Variants in SCAPER observed in about 807,000 individuals in gnomAD.
SCAPER encodes S phase cyclin A-associated protein in the endoplasmic reticulum.
SCAPER carries 98 observed loss-of-function variants against 182.2 expected under a neutral mutation model. That is an observed-to-expected ratio of 0.54 (90% CI 0.46 to 0.64). The LOEUF is 0.64. SCAPER is among the 30% of genes least tolerant of loss of function. The pLI, the probability that SCAPER is intolerant of heterozygous loss-of-function variation, is 0.00. For synonymous variants in SCAPER, 605 were observed against 564.6 expected, an observed-to-expected ratio of 1.07 and a Z score of -1.01; for missense variants, 1,432 against 1,690.0, an observed-to-expected ratio of 0.85 and a Z score of 2.68.
intron 25 of SCAPER, among the ~76,000 whole-genome samples, chr15:76,455,247 T>A (rs1274310435): frequency 1.3e-5 from 2 of 152,232 alleles, no homozygotes; most frequent in African/African-American, 4.8e-5. Context: ...ATAAAAATTG[T>A]ATATACTTCA....
At chr15:76,621,858 T>C (rs368494310) in intron 21 of SCAPER, 29 bp from the exon 22 acceptor site, 115 of 1,492,834 alleles carry the variant, frequency 7.7e-5, no homozygotes, top group Non-Finnish European at 1.0e-4. Context: ...TTAACACAGT[T>C]ATTTCACTGC....
intron 15 of SCAPER, among the ~76,000 whole-genome samples, chr15:76,746,310 G>T (rs1053084064): frequency 6.6e-6 from 1 of 152,204 alleles, no homozygotes; most frequent in Non-Finnish European, 1.5e-5. Flanking sequence ...TTGATCCTCT[G>T]CATTCACGGA....
chr15:76,668,229 A>G (rs2056770097), intron 20 of SCAPER, among the ~76,000 whole-genome samples: 2 of 152,152 alleles, frequency 1.3e-5, no homozygotes, highest in African/African-American at 4.8e-5. Context: ...CACCTGCTCT[A>G]AGTCATTTAT....
intron 27 of SCAPER, among the ~76,000 whole-genome samples, chr15:76,398,465 G>T (rs1227780096): frequency 1.3e-5 from 2 of 152,164 alleles, no homozygotes; most frequent in Non-Finnish European, 2.9e-5. Context: ...ACAGGGCCTG[G>T]CACAGAGCAA....
At chr15:76,829,599 T>C (rs1483827962) in intron 5 of SCAPER, among the ~76,000 whole-genome samples, 5 of 152,122 alleles carry the variant, frequency 3.3e-5, no homozygotes, top group Non-Finnish European at 7.3e-5. Flanking sequence ...TTTTACTCTA[T>C]TGAAATCCCA....
intron 24 of SCAPER, among the ~76,000 whole-genome samples, chr15:76,478,219 T>C (rs1031494036): frequency 2.3e-4 from 26 of 115,178 alleles, no homozygotes; most frequent in Admixed American, 2.2e-3. Flanking sequence ...TTTTTGTTAA[T>C]TGTTCTAGTT....
At chr15:76,761,386 T>C (rs762514174) in intron 14 of SCAPER, among the ~76,000 whole-genome samples, 15 of 152,130 alleles carry the variant, frequency 9.9e-5, no homozygotes, top group Admixed American at 2.0e-4. Context: ...TTAGTTTTGT[T>C]TCTTCTTTTT....
In SCAPER at chr15:76,800,873, G is replaced by C. The variant is rs73445344; in HGVS notation, c.495-509C>G. Among the ~76,000 whole-genome samples the C allele has an allele frequency of 6.7e-3, 1,016 of 152,224 alleles. 13 individuals are homozygous for C. Among genetic ancestry groups the C allele is most frequent in the African/African-American group, 0.023 (970 of 41,528 alleles). On this transcript the variant is annotated intron_variant, in intron 6 of 31. Transcript: ENST00000563290. ...CGAGAGTAGGATTTCACTGCTCTTTGCTGGGAAAGCTAAGAAACATAACTT... is the reference window on the plus strand; with the variant it reads ...CGAGAGTAGGATTTCACTGCTCTTTCCTGGGAAAGCTAAGAAACATAACTT...
At chr15:76,556,323 GA>G (rs1449919162) in intron 23 of SCAPER, among the ~76,000 whole-genome samples, 2 of 151,962 alleles carry the variant, frequency 1.3e-5, no homozygotes, top group Non-Finnish European at 2.9e-5. Flanking sequence ...GAATGAACTA[GA>G]AAAACAAGAG....
chr15:76,788,573 A>G (rs1040935486), intron 8 of SCAPER, among the ~76,000 whole-genome samples: 1 of 152,116 alleles, frequency 6.6e-6, no homozygotes, highest in Non-Finnish European at 1.5e-5. Flanking sequence ...ATATTAATTC[A>G]TTACCCTGTT....
chr15:76,488,943 G>A lies in SCAPER; in HGVS notation c.2954+15916C>T, dbSNP rs572934528. On this transcript the variant is annotated intron_variant, in intron 24 of 31. Coordinates refer to ENST00000563290, the MANE Select transcript of SCAPER (RefSeq NM_020843.4). ...TTGCCATATTGGCCAGGCTGGTCTC[G>A]AACTCCTGACCTCAGGTGATCCACC... is the stretch of plus-strand genomic sequence containing the variant. 2.2e-4 allele frequency among the ~76,000 whole-genome samples: 33 copies of A among 150,604 alleles called. 1 individual carries two copies. Among genetic ancestry groups the A allele is most frequent in the African/African-American group, 6.1e-4 (25 of 41,024 alleles).
chr15:76,520,598 C>A (rs2042760330), intron 23 of SCAPER, among the ~76,000 whole-genome samples: 1 of 151,976 alleles, frequency 6.6e-6, no homozygotes, highest in South Asian at 2.1e-4. Flanking sequence ...CTCATACACA[C>A]CCCCCACCCC....
At chr15:76,745,442 C>G (rs2061744996) in intron 15 of SCAPER, among the ~76,000 whole-genome samples, 1 of 152,072 alleles carries the variant, frequency 6.6e-6, no homozygotes, top group East Asian at 1.9e-4. Flanking sequence ...GAGTGAGACT[C>G]CATCTCAAAA....
At position 76,765,558 on chromosome 15, in the gene SCAPER, A is replaced by C. The variant is rs751499004; in HGVS notation, c.1495+5T>G. On this transcript the variant is annotated splice_donor_5th_base_variant and intron_variant, in intron 12 of 31. Transcript: ENST00000563290. ...CTACACACCCAATATGCATATACAC[A>C]ATACCTTCATAATCTGCAAGGACAT... 3.1e-6 allele frequency: 5 copies of C among 1,599,940 alleles called. 1 individual carries two copies. In the South Asian group the frequency reaches 5.6e-5, roughly 18 times the overall value.
chr15:76,489,414 C>T (rs374505681), intron 24 of SCAPER, among the ~76,000 whole-genome samples: 2 of 151,676 alleles, frequency 1.3e-5, no homozygotes, highest in East Asian at 2.0e-4. Flanking sequence ...GATCTACCAC[C>T]TCCCTAAATT....
rs1481904955 is a variant in SCAPER at position 76,604,170 on chromosome 15, A to G, written c.2711+17594T>C. 3.9e-4 allele frequency among the ~76,000 whole-genome samples: 47 copies of G among 120,986 alleles called. 8 individuals carry two copies. Among genetic ancestry groups the G allele is most frequent in the African/African-American group, 9.8e-4 (39 of 39,680 alleles). 79.4% of individuals were successfully genotyped at this position (120,986 alleles called of 152,430 possible). Reference sequence around the variant, plus strand: ...TTTATGGTTTTAGGTCTAACCTTTAAGTCTTTAATCCATCTTGAATTAATT... The same window carrying G: ...TTTATGGTTTTAGGTCTAACCTTTAGGTCTTTAATCCATCTTGAATTAATT... On this transcript the variant is annotated intron_variant, in intron 22 of 31. Coordinates refer to ENST00000563290, the MANE Select transcript of SCAPER (RefSeq NM_020843.4).
At chr15:76,758,567 G>A (rs1034597422) in intron 14 of SCAPER, among the ~76,000 whole-genome samples, 3 of 152,080 alleles carry the variant, frequency 2.0e-5, no homozygotes, top group Non-Finnish European at 4.4e-5. Flanking sequence ...TTCAATCTTT[G>A]GGGTCTTTTG....
chr15:76,708,108 TA>T (rs919240803), intron 17 of SCAPER, among the ~76,000 whole-genome samples: 7 of 152,210 alleles, frequency 4.6e-5, no homozygotes, highest in East Asian at 1.9e-4. Flanking sequence ...AAATCCCTTA[TA>T]AAAAAATGGC....
At chr15:76,476,259 A>C (rs2050619038) in intron 24 of SCAPER, among the ~76,000 whole-genome samples, 2 of 152,168 alleles carry the variant, frequency 1.3e-5, no homozygotes, top group Admixed American at 6.6e-5. Flanking sequence ...CTTGGGTGTA[A>C]GAGATAGTTG....
Sources: gnomAD v4.1 joint callset for allele counts (sites outside exome capture counted in the v4.1 genomes callset) on GRCh38, gnomAD v4.1.1 for gene constraint, MANE v1.5 for transcripts, NCBI Gene and HGNC (gene_info 2026-07-23, HGNC 2026-07-21) for gene names.